TMEM132D: variants seen among roughly 807,000 people sequenced by gnomAD.
TMEM132D encodes mature OL transmembrane protein.
Under a neutral mutation model 62.3 loss-of-function variants are expected in TMEM132D, and 21 were observed. The ratio of observed to expected loss-of-function variants is 0.34; its 90% CI spans 0.24 to 0.49. The LOEUF (loss-of-function observed/expected upper bound fraction) is 0.49. Among genes scored for constraint, TMEM132D ranks in the 20% least tolerant of loss-of-function variants. The pLI is 0.99. For missense variants in TMEM132D, 1,346 were observed against 1,402.8 expected (o/e 0.96, Z 0.65); for synonymous variants, 621 against 575.6 (o/e 1.08, Z -1.13).
At chr12:129,160,654 C>G (rs1226317291) in intron 5 of TMEM132D, among the ~76,000 whole-genome samples, 3 of 152,180 alleles carry the variant, frequency 2.0e-5, no homozygotes, top group African/African-American at 7.2e-5. Context: ...CCAACAATTT[C>G]CCTCATGTTT....
chr12:129,747,082 C>G (rs1869807431), intron 1 of TMEM132D, among the ~76,000 whole-genome samples: 1 of 116,780 alleles, frequency 8.6e-6, no homozygotes, highest in Non-Finnish European at 1.9e-5. Context: ...TCGTGGAGCC[C>G]AGGGCGCTCC....
At chr12:129,267,567 T>C (rs1028981434) in intron 4 of TMEM132D, among the ~76,000 whole-genome samples, 3 of 152,214 alleles carry the variant, frequency 2.0e-5, no homozygotes, top group African/African-American at 4.8e-5. Context: ...TCCATGCTCA[T>C]GGATAGTAAG....
At chr12:129,859,248 G>A (rs1873811617) in intron 1 of TMEM132D, among the ~76,000 whole-genome samples, 1 of 152,214 alleles carries the variant, frequency 6.6e-6, no homozygotes, top group South Asian at 2.1e-4. Flanking sequence ...GAGAACCATA[G>A]ACATAGACCC....
intron 2 of TMEM132D, among the ~76,000 whole-genome samples, chr12:129,671,969 C>T (rs919327342): frequency 6.6e-6 from 1 of 152,158 alleles, no homozygotes; most frequent in Admixed American, 6.5e-5. Flanking sequence ...AAGGCTTGGG[C>T]TGAGCCTGGC....
intron 3 of TMEM132D, among the ~76,000 whole-genome samples, chr12:129,504,673 T>A (rs532278329): frequency 1.3e-5 from 2 of 152,320 alleles, no homozygotes; most frequent in East Asian, 1.9e-4. Flanking sequence ...AAGAACCAGC[T>A]TTTTGTTTCA....
At chr12:129,604,329 T>C (rs984646620) in intron 2 of TMEM132D, among the ~76,000 whole-genome samples, 1 of 152,168 alleles carries the variant, frequency 6.6e-6, no homozygotes, top group Non-Finnish European at 1.5e-5. Context: ...GAACTTAAAG[T>C]AAAATTAAAA....
At chr12:129,137,121 CCATCATCAT>C (rs899965598) in intron 5 of TMEM132D, among the ~76,000 whole-genome samples, 1 of 149,112 alleles carries the variant, frequency 6.7e-6, no homozygotes, top group Non-Finnish European at 1.5e-5. Context: ...ACCATCATCA[CCATCATCAT>C]CACCATCACT....
intron 5 of TMEM132D, among the ~76,000 whole-genome samples, chr12:129,186,323 T>C (rs1878221381): frequency 6.6e-6 from 1 of 152,196 alleles, no homozygotes; most frequent in Non-Finnish European, 1.5e-5. Flanking sequence ...ACCCCTCAGC[T>C]TTGCCTCCTT....
At chr12:129,828,778 G>A (rs867128554) in intron 1 of TMEM132D, among the ~76,000 whole-genome samples, 2 of 45,538 alleles carry the variant, frequency 4.4e-5, no homozygotes, top group East Asian at 8.2e-4. Flanking sequence ...GAGGGAGGAA[G>A]AAAAGGAGGG....
At chr12:129,760,323 C>CTTTTTTTT (rs71082753) in intron 1 of TMEM132D, among the ~76,000 whole-genome samples, 6 of 115,498 alleles carry the variant, frequency 5.2e-5, no homozygotes, top group African/African-American at 7.2e-5. Flanking sequence ...AAGCCACTTT[C>CTTTTTTTT]TTTTTTTTTT....
At chr12:129,579,286 A>T (rs1877773578) in intron 2 of TMEM132D, among the ~76,000 whole-genome samples, 2 of 152,322 alleles carry the variant, frequency 1.3e-5, no homozygotes, top group South Asian at 4.1e-4. Context: ...CTTAGAATTT[A>T]CACAGATTTT....
chr12:129,683,890 C>A (rs542092442), intron 2 of TMEM132D, among the ~76,000 whole-genome samples: 1 of 152,298 alleles, frequency 6.6e-6, no homozygotes, highest in Non-Finnish European at 1.5e-5. Flanking sequence ...AAGAAGGAAC[C>A]AAGGGCCTTT....
intron 5 of TMEM132D, among the ~76,000 whole-genome samples, chr12:129,200,318 A>C (rs1212641278): frequency 6.6e-6 from 1 of 152,206 alleles, no homozygotes; most frequent in Non-Finnish European, 1.5e-5. Flanking sequence ...CGAATAAAAG[A>C]GCCTCAGAGA....
chr12:129,533,185 G>T (rs915030985), intron 2 of TMEM132D, among the ~76,000 whole-genome samples: 8 of 152,172 alleles, frequency 5.3e-5, no homozygotes, highest in Non-Finnish European at 8.8e-5. Flanking sequence ...GAAAATGCAC[G>T]TTTGATGTTT....
chr12:129,831,605 A>G (rs1365598339), intron 1 of TMEM132D, among the ~76,000 whole-genome samples: 1 of 152,192 alleles, frequency 6.6e-6, no homozygotes, highest in African/African-American at 2.4e-5. Context: ...GGTTTTCTCT[A>G]TTATTCTGTA....
chr12:129,833,458 C>CAAAAA (rs1872907525), intron 1 of TMEM132D, among the ~76,000 whole-genome samples: 2 of 151,796 alleles, frequency 1.3e-5, no homozygotes, highest in Admixed American at 1.3e-4. Context: ...AAAACAAAAA[C>CAAAAA]AAAAACAAAA....
At chr12:129,206,738 G>A (rs1415283150) in intron 5 of TMEM132D, among the ~76,000 whole-genome samples, 1 of 152,196 alleles carries the variant, frequency 6.6e-6, no homozygotes, top group Non-Finnish European at 1.5e-5. Context: ...TAAAGAAAAT[G>A]TGGTACATAT....
chr12:129,595,061 C>T (rs1482538593), intron 2 of TMEM132D, among the ~76,000 whole-genome samples: 2 of 152,190 alleles, frequency 1.3e-5, no homozygotes, highest in South Asian at 2.1e-4. Context: ...CTCCAAGACA[C>T]AGATCATGTT....
rs776516255 is a variant in TMEM132D at position 129,074,278 on chromosome 12, C to T, written c.2897G>A (p.Gly966Glu). ...EGMSHSHDWVGLSNRTELLEN... is the reference protein window; with the variant it reads ...EGMSHSHDWVELSNRTELLEN... ...CAACAGCTCTGTCCGGTTGCTTAACCCAACCCAGTCATGAGAGTGACTCAT... is the reference window on the plus strand; with the variant it reads ...CAACAGCTCTGTCCGGTTGCTTAACTCAACCCAGTCATGAGAGTGACTCAT... Residue 966 changes from glycine to glutamate, a missense_variant, in exon 9 of 9, where the codon GGG (glycine) becomes GAG (glutamate). Gly to Glu is a moderately conservative substitution (Grantham distance 98). Coordinates refer to ENST00000422113, the MANE Select transcript of TMEM132D (RefSeq NM_133448.3). 1 of 1,613,932 alleles carries T rather than the reference C, an allele frequency of 6.2e-7. No individual in the cohort carries two copies.
Sources: allele counts gnomAD v4.1 joint callset (sites outside exome capture counted in the v4.1 genomes callset), GRCh38; gene constraint gnomAD v4.1.1; transcripts MANE v1.5; gene names NCBI Gene and HGNC (gene_info 2026-07-23, HGNC 2026-07-21).